The following NEGR1 variants were observed in gnomAD, a reference collection of about 807,000 sequenced individuals.
NEGR1 encodes neuronal growth regulator 1.
NEGR1 carries 10 observed loss-of-function variants against 40.9 expected under a neutral mutation model. That is an observed-to-expected ratio of 0.24 (90% confidence interval 0.15 to 0.42). NEGR1 has a LOEUF of 0.42. Ranked by LOEUF, NEGR1 falls within the 10% of genes least tolerant of loss-of-function variation. The probability of loss-of-function intolerance (pLI) is 1.00; values close to 1 mark genes in which losing one functional copy is unlikely to be tolerated. For synonymous variants in NEGR1, 185 were observed against 166.8 expected, an observed-to-expected ratio of 1.11 and a Z score of -0.84; for missense variants, 352 against 438.9, an observed-to-expected ratio of 0.80 and a Z score of 1.77.
chr1:71,975,239 G>A (rs1646291744), intron 1 of NEGR1, among the ~76,000 whole-genome samples: 1 of 152,130 alleles, frequency 6.6e-6, no homozygotes, highest in African/African-American at 2.4e-5. Context: ...AGGTGGGGGA[G>A]GCAGGTGGGG....
At chr1:71,409,375 G>T (rs1271635753) in intron 6 of NEGR1, among the ~76,000 whole-genome samples, 1 of 151,928 alleles carries the variant, frequency 6.6e-6, no homozygotes, top group Non-Finnish European at 1.5e-5. Flanking sequence ...CATATAAATG[G>T]TTTCATAAAT....
At chr1:71,513,821 T>A (rs1431740293) in intron 6 of NEGR1, among the ~76,000 whole-genome samples, 1 of 150,862 alleles carries the variant, frequency 6.6e-6, no homozygotes, top group Non-Finnish European at 1.5e-5. Context: ...ACCGGGTTCA[T>A]CTCACTAGGG....
chr1:71,426,775 C>G (rs1646431332), intron 6 of NEGR1, among the ~76,000 whole-genome samples: 1 of 152,114 alleles, frequency 6.6e-6, no homozygotes, highest in Non-Finnish European at 1.5e-5. Flanking sequence ...AAATTCCTAT[C>G]TGTTTTCAAA....
intron 1 of NEGR1, among the ~76,000 whole-genome samples, chr1:72,131,959 C>T (rs554641810): frequency 6.6e-6 from 1 of 151,900 alleles, no homozygotes; most frequent in African/African-American, 2.4e-5. Context: ...ATTAGCCAGG[C>T]GTGGTAGCAC....
intron 2 of NEGR1, among the ~76,000 whole-genome samples, chr1:71,871,759 TTTTA>T (rs1163210296): frequency 6.6e-6 from 1 of 152,200 alleles, no homozygotes; most frequent in Non-Finnish European, 1.5e-5. Context: ...TATATTGTTT[TTTTA>T]TTTGTTTCAG....
chr1:71,608,540 A>G (rs1039645158), intron 5 of NEGR1, among the ~76,000 whole-genome samples: 1 of 151,438 alleles, frequency 6.6e-6, no homozygotes, highest in African/African-American at 2.4e-5. Context: ...AGAAAAGATA[A>G]AAAGAGAGAG....
chr1:72,169,826 G>A (rs1407649797), intron 1 of NEGR1, among the ~76,000 whole-genome samples: 1 of 152,066 alleles, frequency 6.6e-6, no homozygotes, highest in Non-Finnish European at 1.5e-5. Flanking sequence ...GTCAGTTAAA[G>A]GTTCACTGAC....
At chr1:72,132,530 T>C (rs1178840501) in intron 1 of NEGR1, among the ~76,000 whole-genome samples, 1 of 152,166 alleles carries the variant, frequency 6.6e-6, no homozygotes, top group Non-Finnish European at 1.5e-5. Flanking sequence ...GAATGAAGAA[T>C]GTGATGGTGA....
intron 1 of NEGR1, among the ~76,000 whole-genome samples, chr1:72,054,981 TC>T (rs2100483210): frequency 6.6e-6 from 1 of 151,224 alleles, no homozygotes; most frequent in East Asian, 2.0e-4. Flanking sequence ...ACTATAGTAC[TC>T]GAATAATAAT....
chr1:71,778,978 T>C (rs1003503254), intron 2 of NEGR1, among the ~76,000 whole-genome samples: 4 of 152,166 alleles, frequency 2.6e-5, no homozygotes, highest in Non-Finnish European at 5.9e-5. Flanking sequence ...GAGTGGTAAA[T>C]TCCAGGTGTG....
rs115453091 is a variant in NEGR1 at position 71,431,798 on chromosome 1, C to T, written c.941-24228G>A. Among the ~76,000 whole-genome samples the T allele has an allele frequency of 5.5e-3, 832 of 152,180 alleles. 8 individuals carry two copies. The highest frequency in any genetic ancestry group is 0.019 in the African/African-American group (792 of 41,526). On this transcript the variant is annotated intron_variant, in intron 6 of 6. Coordinates refer to ENST00000357731, the MANE Select transcript of NEGR1 (RefSeq NM_173808.3). ...AAAGTGAATGGGAGGGTAGGGTATT[C>T]TTTTATGTATGAAAATAAATTTAGA...
intron 1 of NEGR1, among the ~76,000 whole-genome samples, chr1:71,952,561 C>T (rs1274577431): frequency 2.0e-5 from 3 of 151,954 alleles, no homozygotes; most frequent in Non-Finnish European, 4.4e-5. Context: ...GCAGCAAATG[C>T]TGATATAGAA....
chr1:71,885,920 A>C (rs543852486), intron 2 of NEGR1, among the ~76,000 whole-genome samples: 1 of 152,284 alleles, frequency 6.6e-6, no homozygotes, highest in African/African-American at 2.4e-5. Flanking sequence ...TTATACTATA[A>C]ATTGAGTAAT....
At chr1:71,670,181 T>C (rs72942267) in intron 4 of NEGR1, among the ~76,000 whole-genome samples, 11,130 of 152,192 alleles carry the variant, frequency 0.073, 507 homozygotes, top group East Asian at 0.13. Flanking sequence ...GAGAGTATTC[T>C]TATTTGTTTT....
Position 71,397,282 on chromosome 1 carries a change from T to A in NEGR1, c.*10164A>T, listed in dbSNP as rs1340108294. 1.9e-5 allele frequency: 3 copies of A among 154,346 alleles called. No homozygotes were observed. Among genetic ancestry groups the A allele is most frequent in the Non-Finnish European group, 4.3e-5 (3 of 69,876 alleles). 9.6% of individuals were successfully genotyped at this position (154,346 alleles called of 1,614,324 possible). A position where few individuals can be genotyped will look rare whatever the true frequency, so the allele number is the denominator to read the frequency against. The stretch of plus-strand genomic sequence containing the variant: ...AAGAAATTTCTAAGCAGCAAAGCAT[T>A]CAACAGGTGACTTGGGTGTTGTTAA... On this transcript the variant is annotated 3_prime_UTR_variant, in exon 7 of 7. Coordinates refer to ENST00000357731, the MANE Select transcript of NEGR1 (RefSeq NM_173808.3).
chr1:71,536,739 G>A (rs1647526914), intron 6 of NEGR1, among the ~76,000 whole-genome samples: 1 of 151,652 alleles, frequency 6.6e-6, no homozygotes, highest in Non-Finnish European at 1.5e-5. Context: ...TAAAATTTTT[G>A]TGAAGGACAA....
intron 1 of NEGR1, among the ~76,000 whole-genome samples, chr1:72,165,389 A>G (rs895102290): frequency 2.6e-5 from 4 of 152,042 alleles, no homozygotes; most frequent in Non-Finnish European, 5.9e-5. Context: ...TAAGCCAGAA[A>G]GAGGATATGC....
chr1:71,919,221 A>T (rs1661687634), intron 2 of NEGR1, among the ~76,000 whole-genome samples: 1 of 152,152 alleles, frequency 6.6e-6, no homozygotes, highest in African/African-American at 2.4e-5. Context: ...CTCAAACAAA[A>T]TATCTATTAT....
At position 71,883,511 on chromosome 1, in the gene NEGR1, T is replaced by C. The variant is rs558229930; in HGVS notation, c.409+51568A>G. Among the ~76,000 whole-genome samples, 3 of 152,326 alleles carry C rather than the reference T, an allele frequency of 2.0e-5. No individual in the cohort carries two copies. The East Asian group carries it at 5.8e-4, about 29-fold the overall frequency. ...CCATTTGAGAAGAGATAGAGTCTAA[T>C]ATAGTGATAATTACAGATTATTACA... On this transcript the variant is annotated intron_variant, in intron 2 of 6. Coordinates refer to ENST00000357731, the MANE Select transcript of NEGR1 (RefSeq NM_173808.3).
Sources: allele counts gnomAD v4.1 joint callset (sites outside exome capture counted in the v4.1 genomes callset), GRCh38; gene constraint gnomAD v4.1.1; transcripts MANE v1.5; gene names NCBI Gene and HGNC (gene_info 2026-07-23, HGNC 2026-07-21).